STK32C: variants seen among roughly 807,000 people sequenced by gnomAD.
STK32C encodes serine/threonine kinase 32C, also known as serine/threonine-protein kinase 32C.
STK32C carries 31 observed loss-of-function variants against 56.5 expected under a neutral mutation model. That is an observed-to-expected ratio of 0.55 (90% CI 0.41 to 0.74). STK32C has a LOEUF of 0.74. Ranked by LOEUF, STK32C falls within the 30% of genes least tolerant of loss-of-function variation. STK32C has a pLI of 0.00. For synonymous variants in STK32C, 309 were observed against 289.4 expected, an observed-to-expected ratio of 1.07 and a Z score of -0.69; for missense variants, 544 against 676.9, an observed-to-expected ratio of 0.80 and a Z score of 2.18.
chr10:132,301,347 G>A (rs1279597986), intron 1 of STK32C, among the ~76,000 whole-genome samples: 1 of 152,216 alleles, frequency 6.6e-6, no homozygotes, highest in African/African-American at 2.4e-5. Context: ...GGGCCACAGG[G>A]CACAGGCCCT....
At chr10:132,313,732 G>A (rs35757323) in intron 1 of STK32C, among the ~76,000 whole-genome samples, 21,916 of 151,660 alleles carry the variant, frequency 0.14, 2,080 homozygotes, top group Non-Finnish European at 0.22. Flanking sequence ...TAGAAGAAAG[G>A]AATGAATGAA....
chr10:132,249,503 GC>G (rs1373945298), intron 1 of STK32C, among the ~76,000 whole-genome samples: 1 of 152,168 alleles, frequency 6.6e-6, no homozygotes, highest in Admixed American at 6.5e-5. Flanking sequence ...CCCCTGAGAA[GC>G]CCCGAGCCAA....
intron 1 of STK32C, among the ~76,000 whole-genome samples, chr10:132,328,052 C>T (rs2066534024): frequency 1.3e-5 from 2 of 152,178 alleles, no homozygotes; most frequent in South Asian, 4.1e-4. Flanking sequence ...TTCACCTTGC[C>T]TGCTGCCTAG....
chr10:132,312,724 G>T (rs2066244573), upstream of STK32C, among the ~76,000 whole-genome samples: 1 of 152,146 alleles, frequency 6.6e-6, no homozygotes, highest in Admixed American at 6.5e-5. Context: ...TCTTGGCCAA[G>T]GAAACTCCAG....
intron 1 of STK32C, among the ~76,000 whole-genome samples, chr10:132,275,527 A>C (rs1383938327): frequency 2.6e-5 from 4 of 152,160 alleles, no homozygotes; most frequent in Non-Finnish European, 5.9e-5. Flanking sequence ...TTTGCTCCAG[A>C]ATCACCTCCG....
intron 10 of STK32C, among the ~76,000 whole-genome samples, chr10:132,221,655 G>A (rs1028473911): frequency 1.4e-5 from 2 of 141,964 alleles, no homozygotes; most frequent in African/African-American, 5.4e-5. Context: ...CGACACACCT[G>A]GGTGAGTGTG....
At chr10:132,314,758 A>T (rs916465497) in intron 1 of STK32C, among the ~76,000 whole-genome samples, 1 of 152,248 alleles carries the variant, frequency 6.6e-6, no homozygotes, top group African/African-American at 2.4e-5. Context: ...ACTTCAAGAC[A>T]AAGAATATTA....
At chr10:132,268,158 TCG>T (rs2064649773) in intron 1 of STK32C, among the ~76,000 whole-genome samples, 3 of 146,668 alleles carry the variant, frequency 2.0e-5, no homozygotes, top group South Asian at 2.2e-4. Context: ...TGTGTGTGTG[TCG>T]GTGTGTGTGC....
chr10:132,312,787 C>T (rs1224640043), upstream of STK32C, among the ~76,000 whole-genome samples: 2 of 152,230 alleles, frequency 1.3e-5, no homozygotes, highest in Non-Finnish European at 2.9e-5. Context: ...TGCCTGTAGT[C>T]CCAACACTTT....
At chr10:132,326,294 G>C (rs781500482) in intron 1 of STK32C, among the ~76,000 whole-genome samples, 13 of 152,110 alleles carry the variant, frequency 8.5e-5, no homozygotes, top group Non-Finnish European at 5.9e-5. Context: ...AGTTGGAGTT[G>C]GTATCTTATT....
chr10:132,214,900 C>T (rs1590138307), intron 10 of STK32C, among the ~76,000 whole-genome samples: 2 of 151,978 alleles, frequency 1.3e-5, no homozygotes, highest in South Asian at 4.2e-4. Context: ...AGGAGATAAA[C>T]TAGAATAATA....
At chr10:132,313,496 G>A (rs1050293778) in intron 1 of STK32C, among the ~76,000 whole-genome samples, 1 of 152,266 alleles carries the variant, frequency 6.6e-6, no homozygotes, top group African/African-American at 2.4e-5. Flanking sequence ...CTCAGCGAGG[G>A]AGACGGGAAC....
At chr10:132,221,338 TGCTG>T (rs2062635148) in intron 10 of STK32C, among the ~76,000 whole-genome samples, 1 of 125,072 alleles carries the variant, frequency 8.0e-6, no homozygotes, top group African/African-American at 3.1e-5. Context: ...ACACAACTGA[TGCTG>T]ACGCACCTGG....
chr10:132,230,739 A>G (rs915280073), intron 2 of STK32C, among the ~76,000 whole-genome samples: 4 of 143,694 alleles, frequency 2.8e-5, no homozygotes, highest in African/African-American at 7.9e-5. Flanking sequence ...CCCGCAGCCC[A>G]AGGCCGTCTT....
In STK32C at chr10:132,219,370, C is replaced by T. The variant is rs995021564; in HGVS notation, c.1251+3271G>A. Among the ~76,000 whole-genome samples the T allele has an allele frequency of 8.5e-5, 13 of 152,178 alleles. No homozygotes were observed. In the East Asian group the frequency reaches 1.7e-3, roughly 20 times the overall value. On this transcript the variant is annotated intron_variant, in intron 10 of 11. Coordinates refer to ENST00000298630, the MANE Select transcript of STK32C (RefSeq NM_173575.4). Reference sequence around the variant, plus strand: ...ACCCAAGACAAAGCCGAGCTCCTCCCGCTCACAGGTGCCTGGCCTTACCTG... The same window carrying T: ...ACCCAAGACAAAGCCGAGCTCCTCCTGCTCACAGGTGCCTGGCCTTACCTG...
intron 2 of STK32C, among the ~76,000 whole-genome samples, chr10:132,236,061 G>T (rs566707041): frequency 6.6e-6 from 1 of 152,288 alleles, no homozygotes; most frequent in Admixed American, 6.5e-5. Flanking sequence ...CTTGTGGGGG[G>T]TCACAGTGTT....
chr10:132,303,161 G>A (rs746535484), intron 1 of STK32C, among the ~76,000 whole-genome samples: 3 of 152,248 alleles, frequency 2.0e-5, no homozygotes, highest in East Asian at 1.9e-4. Context: ...GAGGGGCTGC[G>A]TGGGAGGCCT....
intron 1 of STK32C, among the ~76,000 whole-genome samples, chr10:132,290,832 C>T (rs2065541762): frequency 1.3e-5 from 2 of 151,822 alleles, no homozygotes; most frequent in African/African-American, 4.8e-5. Flanking sequence ...TGCTCGAGGG[C>T]ACCCAACCAG....
At position 132,274,812 on chromosome 10, in the gene STK32C, C is replaced by T. The variant is rs192197200; in HGVS notation, c.263-28857G>A. ...ACCCCCAAGTCACCTGTCGCTCCGCCGCACAGGCAGCCAGCAGGCGCCTCC... is the reference window on the plus strand; with the variant it reads ...ACCCCCAAGTCACCTGTCGCTCCGCTGCACAGGCAGCCAGCAGGCGCCTCC... On this transcript the variant is annotated intron_variant, in intron 1 of 11. Coordinates refer to ENST00000298630, the MANE Select transcript of STK32C (RefSeq NM_173575.4). 3.3e-3 allele frequency among the ~76,000 whole-genome samples: 498 copies of T among 152,358 alleles called. 2 individuals are homozygous for T. The highest frequency in any genetic ancestry group is 7.7e-3 in the African/African-American group (320 of 41,588).
Sources: allele counts gnomAD v4.1 joint callset (sites outside exome capture counted in the v4.1 genomes callset), GRCh38; gene constraint gnomAD v4.1.1; transcripts MANE v1.5; gene names NCBI Gene and HGNC (gene_info 2026-07-23, HGNC 2026-07-21).